The following SOX15 variants were observed in gnomAD, a reference collection of about 807,000 sequenced individuals.
SOX15 encodes transcription factor SOX-15.
A neutral mutation model predicts 15.9 loss-of-function variants in SOX15; 12 were observed. The observed-to-expected ratio is 0.75, with a 90% CI of 0.48 to 1.22. SOX15 has a LOEUF of 1.22. Ranked by LOEUF, SOX15 falls within the 50% of genes most tolerant of loss-of-function variation. The probability of loss-of-function intolerance (pLI) is 0.00; values close to 1 mark genes in which losing one functional copy is unlikely to be tolerated. For synonymous variants in SOX15, 149 were observed against 142.8 expected (o/e 1.04, Z -0.31); for missense variants, 309 against 313.9 (o/e 0.98, Z 0.12).
In SOX15 at chr17:7,589,185, T is replaced by A; in HGVS notation, c.492A>T (p.Arg164Ser). 1 of 1,525,030 alleles carries A rather than the reference T, an allele frequency of 6.6e-7. No homozygotes were observed. The highest frequency in any genetic ancestry group is 8.8e-7 in the Non-Finnish European group (1 of 1,132,914). The allele number at this position is 1,525,030 out of a possible 1,614,324, so 94.5% of individuals were successfully genotyped here. A position where few individuals can be genotyped will look rare whatever the true frequency, so the allele number is the denominator to read the frequency against. The change falls in exon 1 of 2, where the codon AGA (arginine) becomes AGT (serine). Residue 164 changes from arginine to serine, a missense_variant. By Grantham distance (110) the Arg-to-Ser change is moderately radical. Coordinates refer to ENST00000250055, the MANE Select transcript of SOX15 (RefSeq NM_006942.2). ...GGTAGGCTGTCGAGTAGCTGGGGGG[T>A]CTGTACCCAAAGCCTCTGCTCGGTT... ...TTQPSRGFGY[R>S]PPSYSTAYLP...
In SOX15 at chr17:7,589,903, C is replaced by G. The variant is rs1387206273; in HGVS notation, c.-227G>C. 1.2e-5 allele frequency: 7 copies of G among 561,540 alleles called. No individual in the cohort carries two copies. The highest frequency in any genetic ancestry group is 2.2e-5 in the Non-Finnish European group (7 of 321,466). 34.8% of individuals were successfully genotyped at this position (561,540 alleles called of 1,614,324 possible). A position where few individuals can be genotyped will look rare whatever the true frequency, so the allele number is the denominator to read the frequency against. ...AATGCAAAATCCGCTGTCTGGTGCC[C>G]CGGCACTGAAGAGGTGTTCTGAGGC... On this transcript the variant is annotated 5_prime_UTR_variant, in exon 1 of 2. Transcript: ENST00000250055.
At chr17:7,588,695 A>T in intron 1 of SOX15, 149 bp from the exon 2 acceptor site, 1 of 865,764 alleles carries the variant, frequency 1.2e-6, no homozygotes, top group East Asian at 2.6e-5. Flanking sequence ...CGACCCCGGG[A>T]TGGAGAGCCC....
Position 7,589,611 on chromosome 17 carries a change from A to G in SOX15, c.66T>C (p.Ala22=). ...WSLEPPAATA[A]ASSSSGPQER... ...CCTGGGGTCCCGAAGATGAGGAGGC[A>G]GCAGCCGTGGCAGCCGGAGGCTCCA... Residue 22 remains alanine (A), a synonymous_variant, in exon 1 of 2, where the codon GCT becomes GCC. Transcript: ENST00000250055. The G allele has an allele frequency of 6.4e-7, 1 of 1,559,606 alleles. No individual in the cohort carries two copies. The highest frequency in any genetic ancestry group is 8.7e-7 in the Non-Finnish European group (1 of 1,155,132).
intron 1 of SOX15, 81 bp from the exon 2 acceptor site, chr17:7,588,627 G>A: frequency 7.0e-7 from 1 of 1,428,590 alleles, no homozygotes; most frequent in East Asian, 2.3e-5. Context: ...ACAGGGTAGA[G>A]CGTGCCACCC....
rs1451753417 is a variant in SOX15 at position 7,588,255 on chromosome 17, G to A, written c.*123C>T. The stretch of plus-strand genomic sequence containing the variant: ...CGGCTCTCCCTGGCTATCATGGGAG[G>A]ACTGCAGGCTGCCTCTGAACTGTAG... On this transcript the variant is annotated 3_prime_UTR_variant, in exon 2 of 2. Transcript: ENST00000250055. 1.1e-6 allele frequency: 1 copy of A among 922,876 alleles called. No homozygotes were observed. Among genetic ancestry groups the A allele is most frequent in the Non-Finnish European group, 1.8e-6 (1 of 549,006 alleles). The allele number at this position is 922,876 out of a possible 1,614,324, so 57.2% of individuals were successfully genotyped here.
intron 1 of SOX15, 109 bp downstream of exon 1, chr17:7,589,035 G>A (rs934833750): frequency 3.6e-5 from 38 of 1,058,802 alleles, no homozygotes; most frequent in Non-Finnish European, 4.7e-5. Flanking sequence ...CCTTGGCCGC[G>A]AGTGGCCTCT....
Position 7,588,214 on chromosome 17 carries a change from A to G in SOX15, c.*164T>C, listed in dbSNP as rs760366837. Reference sequence around the variant, plus strand: ...AAAACTGTTTAATACTACCAAAAATATAATTGTATGTTGTGCGGCTCTCCC... The same window carrying G: ...AAAACTGTTTAATACTACCAAAAATGTAATTGTATGTTGTGCGGCTCTCCC... On this transcript the variant is annotated 3_prime_UTR_variant, in exon 2 of 2. Transcript: ENST00000250055. 2 of 789,612 alleles carry G rather than the reference A, an allele frequency of 2.5e-6. No individual in the cohort carries two copies. Among genetic ancestry groups the G allele is most frequent in the East Asian group, 4.9e-5 (2 of 41,036 alleles). The allele number at this position is 789,612 out of a possible 1,614,324, so 48.9% of individuals were successfully genotyped here.
chr17:7,589,144 C>T lies in SOX15; in HGVS notation c.533G>A (p.Gly178Asp), dbSNP rs1366643285. 1 of 1,485,354 alleles carries T rather than the reference C, an allele frequency of 6.7e-7. No individual in the cohort carries two copies. The highest frequency in any genetic ancestry group is 9.0e-7 in the Non-Finnish European group (1 of 1,112,062). 92.0% of individuals were successfully genotyped at this position (1,485,354 alleles called of 1,614,324 possible). A position where few individuals can be genotyped will look rare whatever the true frequency, so the allele number is the denominator to read the frequency against. Reference protein sequence around the residue: ...YSTAYLPGSYGSSHCKLEAPS... With the variant: ...YSTAYLPGSYDSSHCKLEAPS... ...TTCGGCCCGCTTCCCAGGCACTCAC[C>T]CATAGCTGCCAGGCAGGTAGGCTGT... Residue 178 changes from glycine to aspartate, a missense_variant and splice_region_variant, in exon 1 of 2, where the codon GGC (glycine) becomes GAC (aspartate). Transcript: ENST00000250055.
intron 1 of SOX15, 148 bp downstream of exon 1, chr17:7,588,996 C>T: frequency 1.5e-6 from 1 of 689,562 alleles, no homozygotes; most frequent in Non-Finnish European, 2.4e-6. Context: ...TACACAGGCC[C>T]CGGAGGTACT....
At position 7,589,702 on chromosome 17, in the gene SOX15, G is replaced by C; in HGVS notation, c.-26C>G. 1 of 1,505,606 alleles carries C rather than the reference G, an allele frequency of 6.6e-7. No homozygotes were observed. The allele number at this position is 1,505,606 out of a possible 1,614,324, so 93.3% of individuals were successfully genotyped here. A position where few individuals can be genotyped will look rare whatever the true frequency, so the allele number is the denominator to read the frequency against. ...GGGTTGGGAGAAGCCTTAAGAGGGC[G>C]TCCTGAATGCCCTCCCCTCAACGTG... On this transcript the variant is annotated 5_prime_UTR_variant, in exon 1 of 2. Transcript: ENST00000250055.
At chr17:7,588,677 A>G in intron 1 of SOX15, 131 bp from the exon 2 acceptor site, 1 of 994,084 alleles carries the variant, frequency 1.0e-6, no homozygotes, top group Non-Finnish European at 1.6e-6. Context: ...CGCAGCAGGC[A>G]TGGAAGCCGA....
At position 7,589,929 on chromosome 17, in the gene SOX15, C is replaced by A; in HGVS notation, c.-253G>T. ...CGGCACTGAAGAGGTGTTCTGAGGCCTACTGACTGGGGGACCCCCGGTCCC... is the reference window on the plus strand; with the variant it reads ...CGGCACTGAAGAGGTGTTCTGAGGCATACTGACTGGGGGACCCCCGGTCCC... On this transcript the variant is annotated 5_prime_UTR_variant, in exon 1 of 2. In the 5' UTR this introduces an upstream ATG that the reference lacks. Coordinates refer to ENST00000250055, the MANE Select transcript of SOX15 (RefSeq NM_006942.2). 1 of 519,584 alleles carries A rather than the reference C, an allele frequency of 1.9e-6. No homozygotes were observed. 32.2% of individuals were successfully genotyped at this position (519,584 alleles called of 1,614,324 possible).
At position 7,589,653 on chromosome 17, in the gene SOX15, C is replaced by T. The variant is rs540404287; in HGVS notation, c.24G>A (p.Gln8=). 6 of 1,544,100 alleles carry T rather than the reference C, an allele frequency of 3.9e-6. No individual in the cohort carries two copies. In the South Asian group the frequency reaches 5.9e-5, roughly 15 times the overall value. ...GAGGCTCCAGGCTCCAGGCCTGGTC[C>T]TGTGAGGAGCCTGGTAGCGCCATGG... MALPGSS[Q]DQAWSLEPPA... Residue 8 remains glutamine, a synonymous_variant, in exon 1 of 2, where the codon CAG becomes CAA. Coordinates refer to ENST00000250055, the MANE Select transcript of SOX15 (RefSeq NM_006942.2).
intron 1 of SOX15, 71 bp from the exon 2 acceptor site, chr17:7,588,617 A>G (rs2071623914): frequency 6.6e-7 from 1 of 1,506,160 alleles, no homozygotes; most frequent in Non-Finnish European, 9.2e-7. Context: ...TTCTGGGCAG[A>G]CAGGGTAGAG....
Position 7,588,360 on chromosome 17 carries a change from G to T in SOX15, c.*18C>A, listed in dbSNP as rs773090248. The T allele has an allele frequency of 3.7e-6, 6 of 1,612,218 alleles. No individual in the cohort carries two copies. In the African/African-American group the frequency reaches 8.0e-5, roughly 22 times the overall value. ...AAGGAGGATGAGGCCCGTCCCGTGAGGTCTGCGTCCATGAGGGTTAGAGGT... is the reference window on the plus strand; with the variant it reads ...AAGGAGGATGAGGCCCGTCCCGTGATGTCTGCGTCCATGAGGGTTAGAGGT... On this transcript the variant is annotated 3_prime_UTR_variant, in exon 2 of 2. Coordinates refer to ENST00000250055, the MANE Select transcript of SOX15 (RefSeq NM_006942.2).
rs2071640182 is a variant in SOX15 at position 7,589,995 on chromosome 17, G to C, written c.-319C>G. 2.5e-6 allele frequency: 1 copy of C among 404,028 alleles called. No homozygotes were observed. The highest frequency in any genetic ancestry group is 4.4e-6 in the Non-Finnish European group (1 of 224,858). 25.0% of individuals were successfully genotyped at this position (404,028 alleles called of 1,614,324 possible). A position where few individuals can be genotyped will look rare whatever the true frequency, so the allele number is the denominator to read the frequency against. On this transcript the variant is annotated 5_prime_UTR_variant, in exon 1 of 2. Coordinates refer to ENST00000250055, the MANE Select transcript of SOX15 (RefSeq NM_006942.2). ...GCTGCGATCAGACCGACCTTCCGTG[G>C]AGGGGGTAAACCATAAACCCCTTTG...
rs1167985698 is a variant in SOX15 at position 7,589,312 on chromosome 17, C to CG, written c.364dup (p.Arg122ProfsTer75). The CG allele has an allele frequency of 6.3e-7, 1 of 1,597,864 alleles. No homozygotes were observed. Among genetic ancestry groups the CG allele is most frequent in the African/African-American group, 1.3e-5 (1 of 74,484 alleles). ...TCCGGCGCCCGAGCTCTTGGCCTTGCGCCGAGGCCGGTACTTGTAGTCGGG... is the reference window on the plus strand; with the variant it reads ...TCCGGCGCCCGAGCTCTTGGCCTTGCGGCCGAGGCCGGTACTTGTAGTCGGG... On this transcript the variant is annotated frameshift_variant, in exon 1 of 2. Transcript: ENST00000250055. LOFTEE classifies it high-confidence loss of function.
Position 7,589,196 on chromosome 17 carries a change from A to G in SOX15, c.481T>C (p.Phe161Leu). 6.5e-7 allele frequency: 1 copy of G among 1,534,342 alleles called. No homozygotes were observed. Among genetic ancestry groups the G allele is most frequent in the Non-Finnish European group, 8.8e-7 (1 of 1,137,700 alleles). ...GAGTAGCTGGGGGGTCTGTACCCAA[A>G]GCCTCTGCTCGGTTGGGTGGTCGCG... Reference protein sequence around the residue: ...GYATTQPSRGFGYRPPSYSTA... With the variant: ...GYATTQPSRGLGYRPPSYSTA... The change falls in exon 1 of 2, where the codon TTT becomes CTT. Residue 161 changes from phenylalanine to leucine, a missense_variant. Coordinates refer to ENST00000250055, the MANE Select transcript of SOX15 (RefSeq NM_006942.2).
chr17:7,588,610 T>C, intron 1 of SOX15, 64 bp from the exon 2 acceptor site: 2 of 1,534,382 alleles, frequency 1.3e-6, no homozygotes, highest in Non-Finnish European at 1.8e-6. Flanking sequence ...TGGCCAGTTC[T>C]GGGCAGACAG....
Sources: allele counts gnomAD v4.1 joint callset, GRCh38; gene constraint gnomAD v4.1.1; transcripts MANE v1.5; gene names NCBI Gene and HGNC (gene_info 2026-07-23, HGNC 2026-07-21).